The following PRKN variants were observed in gnomAD, a reference collection of about 807,000 sequenced individuals.
PRKN encodes E3 ubiquitin-protein ligase parkin.
Under a neutral mutation model 59.5 loss-of-function variants are expected in PRKN, and 56 were observed. The ratio of observed to expected loss-of-function variants is 0.94; its 90% CI spans 0.76 to 1.18. The LOEUF is 1.18. PRKN is among the 50% of genes most tolerant of loss of function. PRKN has a pLI of 0.00. For synonymous variants in PRKN, 250 were observed against 222.1 expected, an observed-to-expected ratio of 1.13 and a Z score of -1.12; for missense variants, 657 against 596.4, an observed-to-expected ratio of 1.10 and a Z score of -1.06.
chr6:162,090,205 G>A (rs762057499), intron 4 of PRKN, among the ~76,000 whole-genome samples: 19 of 152,008 alleles, frequency 1.2e-4, no homozygotes, highest in Non-Finnish European at 2.2e-4. Context: ...AAGGAAGGAT[G>A]TATGTCTAGA....
chr6:162,533,970 CA>C (rs139214272), intron 1 of PRKN, among the ~76,000 whole-genome samples: 37,513 of 82,628 alleles, frequency 0.45, 5,811 homozygotes, highest in Middle Eastern at 0.56. Flanking sequence ...GACTCCATCT[CA>C]AAAAAAAAAA....
At chr6:162,209,984 C>T (rs985582581) in intron 3 of PRKN, among the ~76,000 whole-genome samples, 1 of 151,896 alleles carries the variant, frequency 6.6e-6, no homozygotes, top group Admixed American at 6.6e-5. Context: ...GGAGGGATAG[C>T]ATTAGGAGAA....
intron 1 of PRKN, among the ~76,000 whole-genome samples, chr6:162,643,639 C>CTAATA (rs1487448908): frequency 6.6e-6 from 1 of 151,948 alleles, no homozygotes; most frequent in Non-Finnish European, 1.5e-5. Flanking sequence ...TCACTCACCT[C>CTAATA]TAATAAAAAG....
At chr6:161,570,146 A>AAAAAAAAAT (rs869285771) in intron 7 of PRKN, among the ~76,000 whole-genome samples, 1 of 76,612 alleles carries the variant, frequency 1.3e-5, no homozygotes, top group African/African-American at 6.8e-5. Flanking sequence ...AAAAAAAAAA[A>AAAAAAAAAT]ATATATATAT....
At chr6:162,553,177 G>A (rs1446561054) in intron 1 of PRKN, among the ~76,000 whole-genome samples, 2 of 152,070 alleles carry the variant, frequency 1.3e-5, no homozygotes, top group Admixed American at 1.3e-4. Context: ...AAGGAGAGAG[G>A]GGACCAGCCA....
At chr6:161,945,178 GT>G (rs1779733536) in intron 6 of PRKN, among the ~76,000 whole-genome samples, 1 of 152,094 alleles carries the variant, frequency 6.6e-6, no homozygotes, top group Admixed American at 6.5e-5. Flanking sequence ...CGGATTGGAA[GT>G]TTTTCAAAAT....
chr6:161,720,855 G>A (rs1787191698), intron 7 of PRKN, among the ~76,000 whole-genome samples: 1 of 151,488 alleles, frequency 6.6e-6, no homozygotes. Flanking sequence ...ATTAGCAAAT[G>A]TTGTTCTCAA....
chr6:162,508,943 G>C (rs1337696528), intron 1 of PRKN, among the ~76,000 whole-genome samples: 1 of 152,124 alleles, frequency 6.6e-6, no homozygotes, highest in Non-Finnish European at 1.5e-5. Flanking sequence ...ACTTCATAGA[G>C]ATATTTGCTA....
chr6:162,055,475 C>G (rs1777817700), intron 4 of PRKN, among the ~76,000 whole-genome samples: 1 of 152,040 alleles, frequency 6.6e-6, no homozygotes. Context: ...TGATCAGATG[C>G]CTGAGGAAAG....
intron 2 of PRKN, among the ~76,000 whole-genome samples, chr6:162,428,498 G>A (rs1789351060): frequency 1.3e-5 from 2 of 152,200 alleles, no homozygotes; most frequent in East Asian, 1.9e-4. Flanking sequence ...CTCAAATAAA[G>A]TTTATTTGAA....
chr6:161,350,952 A>G (rs1234517246), intron 11 of PRKN, among the ~76,000 whole-genome samples: 1 of 70,960 alleles, frequency 1.4e-5, no homozygotes, highest in East Asian at 4.6e-4. Context: ...TATTTTATAT[A>G]TTTATATTTA....
chr6:162,550,489 A>G (rs1027761240), intron 1 of PRKN, among the ~76,000 whole-genome samples: 10 of 152,024 alleles, frequency 6.6e-5, no homozygotes, highest in Non-Finnish European at 1.3e-4. Context: ...GAGTTGGGAG[A>G]AGGAGGAGCT....
At chr6:162,016,348 T>C (rs1038518999) in intron 5 of PRKN, among the ~76,000 whole-genome samples, 4 of 152,132 alleles carry the variant, frequency 2.6e-5, no homozygotes, top group Non-Finnish European at 5.9e-5. Flanking sequence ...ACACAAAATG[T>C]AACTTGCCTT....
chr6:162,645,918 A>C (rs1583973645), intron 1 of PRKN, among the ~76,000 whole-genome samples: 1 of 126,044 alleles, frequency 7.9e-6, no homozygotes, highest in Non-Finnish European at 1.6e-5. Flanking sequence ...TCTGTCGCCC[A>C]GGCTGGAGTG....
At position 161,451,309 on chromosome 6, in the gene PRKN, C is replaced by T. The variant is rs1354286799; in HGVS notation, c.1084-64432G>A. ...TTCTTCAATGACTTCCACGAGAAGA[C>T]CTCTCTGGAGAGGTCTGAACATTGT... On this transcript the variant is annotated intron_variant, in intron 9 of 11. Coordinates refer to ENST00000366898, the MANE Select transcript of PRKN (RefSeq NM_004562.3). The surrounding 1 kb of genome is among the most constrained non-coding windows in gnomAD (Gnocchi z 5.9). Among the ~76,000 whole-genome samples, 2 of 152,146 alleles carry T rather than the reference C, an allele frequency of 1.3e-5. No homozygotes were observed. Among genetic ancestry groups the T allele is most frequent in the Admixed American group, 6.5e-5 (1 of 15,282 alleles).
At chr6:161,654,230 A>G (rs1439673148) in intron 7 of PRKN, among the ~76,000 whole-genome samples, 2 of 152,220 alleles carry the variant, frequency 1.3e-5, no homozygotes, top group African/African-American at 4.8e-5. Flanking sequence ...CATTTTTTAT[A>G]AACTTAATTA....
chr6:162,311,306 T>A (rs752442951), intron 2 of PRKN, among the ~76,000 whole-genome samples: 10 of 152,226 alleles, frequency 6.6e-5, no homozygotes, highest in Non-Finnish European at 1.5e-4. Flanking sequence ...TGGCAACTCA[T>A]AATCATTAGC....
Position 162,581,654 on chromosome 6 carries a change from G to A in PRKN, c.8-138181C>T, listed in dbSNP as rs554867151. On this transcript the variant is annotated intron_variant, in intron 1 of 11. Coordinates refer to ENST00000366898, the MANE Select transcript of PRKN (RefSeq NM_004562.3). ...CAGGCGACTGTAATCCCAGCTACTT[G>A]AGGCTGAGGCAGGAGAATCACTTGA... 2.7e-3 allele frequency among the ~76,000 whole-genome samples: 411 copies of A among 152,286 alleles called. 1 individual carries two copies. The highest frequency in any genetic ancestry group is 7.6e-3 in the African/African-American group (316 of 41,562).
At chr6:162,114,085 G>C (rs1780561411) in intron 4 of PRKN, among the ~76,000 whole-genome samples, 1 of 150,700 alleles carries the variant, frequency 6.6e-6, no homozygotes, top group Admixed American at 6.6e-5. Flanking sequence ...TCTCTGTTTT[G>C]GTACCAGTAC....
Sources: allele counts gnomAD v4.1 joint callset (sites outside exome capture counted in the v4.1 genomes callset), GRCh38; gene constraint gnomAD v4.1.1; non-coding constraint Gnocchi (gnomAD v3.1); transcripts MANE v1.5; gene names NCBI Gene and HGNC (gene_info 2026-07-23, HGNC 2026-07-21).